The following TSPAN18 variants were observed in gnomAD, a reference collection of about 807,000 sequenced individuals.
The protein encoded by TSPAN18 is tetraspanin 18.
A neutral mutation model predicts 27.3 loss-of-function variants in TSPAN18; 14 were observed. The observed-to-expected ratio is 0.51, with a 90% confidence interval of 0.34 to 0.80. The LOEUF (loss-of-function observed/expected upper bound fraction) is 0.80, where lower values mean the gene tolerates loss of function less well. Ranked by LOEUF, TSPAN18 falls within the 30% of genes least tolerant of loss-of-function variation. The pLI is 0.01. For missense variants in TSPAN18, 268 were observed against 323.9 expected (o/e 0.83, Z 1.32); for synonymous variants, 143 against 136.5 (o/e 1.05, Z -0.33).
intron 1 of TSPAN18, among the ~76,000 whole-genome samples, chr11:44,759,453 T>G (rs150247333): frequency 6.6e-6 from 1 of 152,278 alleles, no homozygotes; most frequent in Non-Finnish European, 1.5e-5. Context: ...CTAGAGAAAA[T>G]TATACAAGTA....
intron 2 of TSPAN18, among the ~76,000 whole-genome samples, chr11:44,843,794 T>C (rs955138943): frequency 1.3e-5 from 2 of 152,278 alleles, no homozygotes; most frequent in African/African-American, 4.8e-5. Flanking sequence ...AATATGGCTC[T>C]GTTCTGCCCA....
intron 6 of TSPAN18, 137 bp downstream of exon 6, chr11:44,918,183 T>A: frequency 1.1e-6 from 1 of 881,950 alleles, no homozygotes. Flanking sequence ...GCCCAAGTCA[T>A]GGCCCCACCC....
intron 3 of TSPAN18, among the ~76,000 whole-genome samples, chr11:44,877,510 CTAAA>C (rs1858369797): frequency 6.6e-6 from 1 of 152,126 alleles, no homozygotes; most frequent in African/African-American, 2.4e-5. Context: ...ACCCGCTCAA[CTAAA>C]TAAAGGAGTG....
chr11:44,865,116 A>G (rs1858001405), intron 3 of TSPAN18, among the ~76,000 whole-genome samples: 3 of 152,354 alleles, frequency 2.0e-5, no homozygotes, highest in Middle Eastern at 3.4e-3. Flanking sequence ...ATTTTCAAGT[A>G]GTGGAATGGA....
rs1044822121 is a variant in TSPAN18, at chr11:44,914,127, A to G, written c.259-3845A>G. ...GTTTATTCTTATATCTCATCTCCTG[A>G]TGCTTCAGCTCAATGGAAACTCCAT... On this transcript the variant is annotated intron_variant, in intron 5 of 9. Transcript: ENST00000520358. Among the ~76,000 whole-genome samples, 4 of 152,318 alleles carry G rather than the reference A, an allele frequency of 2.6e-5. No individual in the cohort carries two copies. The South Asian group carries it at 8.3e-4, about 32-fold the overall frequency.
At chr11:44,850,553 T>TAAC (rs1038625819) in intron 2 of TSPAN18, among the ~76,000 whole-genome samples, 5 of 152,082 alleles carry the variant, frequency 3.3e-5, no homozygotes, top group African/African-American at 1.2e-4. Flanking sequence ...ATGATCATTG[T>TAAC]AATAATAATA....
chr11:44,877,239 G>T (rs1858361911), intron 3 of TSPAN18, among the ~76,000 whole-genome samples: 3 of 152,372 alleles, frequency 2.0e-5, no homozygotes, highest in South Asian at 4.1e-4. Flanking sequence ...TGGGGCGGGA[G>T]CCCGATGACA....
At chr11:44,908,807 G>GAA (rs1314371600) in intron 4 of TSPAN18, among the ~76,000 whole-genome samples, 4 of 114,546 alleles carry the variant, frequency 3.5e-5, no homozygotes, top group African/African-American at 7.5e-5. Flanking sequence ...AAGAAAGAAA[G>GAA]AAAGAAAGAA....
In TSPAN18 at chr11:44,919,161, G is replaced by A. The variant is rs1860029303; in HGVS notation, c.334-53G>A. On this transcript the variant is annotated intron_variant, in intron 6 of 9. Coordinates refer to ENST00000520358, the MANE Select transcript of TSPAN18 (RefSeq NM_130783.5). The stretch of plus-strand genomic sequence containing the variant: ...GGTGGATGGAGAGACGATGGAGGGT[G>A]GGGGCTGCACCCAACTGCCAGGCCT... 3.5e-6 allele frequency: 5 copies of A among 1,411,942 alleles called. No homozygotes were observed. In the East Asian group the frequency reaches 6.8e-5, roughly 19 times the overall value. The allele number at this position is 1,411,942 out of a possible 1,614,324, so 87.5% of individuals were successfully genotyped here.
At chr11:44,733,418 C>T (rs547705857) in intron 1 of TSPAN18, among the ~76,000 whole-genome samples, 21 of 152,270 alleles carry the variant, frequency 1.4e-4, no homozygotes, top group South Asian at 2.1e-4. Context: ...GGTGAGTCCA[C>T]GCATGGCAAG....
At chr11:44,778,386 A>G (rs1373742488) in intron 2 of TSPAN18, among the ~76,000 whole-genome samples, 1 of 152,094 alleles carries the variant, frequency 6.6e-6, no homozygotes, top group African/African-American at 2.4e-5. Context: ...TTCCCCGCAG[A>G]CATCACCAAT....
intron 2 of TSPAN18, among the ~76,000 whole-genome samples, chr11:44,825,191 T>A (rs921278404): frequency 6.6e-6 from 1 of 151,596 alleles, no homozygotes; most frequent in Admixed American, 6.6e-5. Context: ...TTTTGATCTC[T>A]TCTCTTGACT....
intron 2 of TSPAN18, among the ~76,000 whole-genome samples, chr11:44,838,087 A>G (rs551414161): frequency 1.3e-4 from 20 of 152,298 alleles, no homozygotes; most frequent in African/African-American, 2.4e-4. Context: ...CCATGTCCCA[A>G]TCGCTGGAAC....
At chr11:44,743,434 T>C (rs1484770416) in intron 1 of TSPAN18, among the ~76,000 whole-genome samples, 2 of 152,184 alleles carry the variant, frequency 1.3e-5, no homozygotes, top group Non-Finnish European at 2.9e-5. Context: ...GCCCTGTCTC[T>C]CTCTGGTTTG....
intron 1 of TSPAN18, among the ~76,000 whole-genome samples, chr11:44,749,080 G>T (rs918525475): frequency 1.7e-4 from 26 of 152,206 alleles, no homozygotes; most frequent in African/African-American, 6.0e-4. Flanking sequence ...GCACCTGGGT[G>T]CTCTGGTTCT....
intron 2 of TSPAN18, among the ~76,000 whole-genome samples, chr11:44,793,776 C>T (rs1288825910): frequency 2.0e-5 from 3 of 152,200 alleles, no homozygotes; most frequent in Non-Finnish European, 4.4e-5. Flanking sequence ...CCTTCCACTG[C>T]GCTCCCTTCC....
At chr11:44,904,346 T>A in intron 3 of TSPAN18, among the ~76,000 whole-genome samples, 1 of 152,208 alleles carries the variant, frequency 6.6e-6, no homozygotes, top group East Asian at 1.9e-4. Flanking sequence ...GGAGGAGGTG[T>A]CCCTTTAGGG....
rs1178172542 is a variant in TSPAN18 at position 44,848,832 on chromosome 11, C to G, written c.-152-11496C>G. Among the ~76,000 whole-genome samples, 5 of 152,312 alleles carry G rather than the reference C, an allele frequency of 3.3e-5. No individual in the cohort carries two copies. In the East Asian group the frequency reaches 9.7e-4, roughly 29 times the overall value. On this transcript the variant is annotated intron_variant, in intron 2 of 9. Transcript: ENST00000520358. ...GCAGTGAGCTTTGCCTAGGGGAGGTCTCTAACCGTGGGGCTCCCCCCACCC... is the reference window on the plus strand; with the variant it reads ...GCAGTGAGCTTTGCCTAGGGGAGGTGTCTAACCGTGGGGCTCCCCCCACCC...
At chr11:44,849,377 A>T (rs1271979387) in intron 2 of TSPAN18, among the ~76,000 whole-genome samples, 3 of 152,196 alleles carry the variant, frequency 2.0e-5, no homozygotes, top group African/African-American at 7.2e-5. Flanking sequence ...GGGAAGCAGA[A>T]GGCAGAAGAA....
Sources: gnomAD v4.1 joint callset for allele counts (sites outside exome capture counted in the v4.1 genomes callset) on GRCh38, gnomAD v4.1.1 for gene constraint, MANE v1.5 for transcripts, NCBI Gene and HGNC (gene_info 2026-07-23, HGNC 2026-07-21) for gene names.